RASSF8: variants seen among roughly 807,000 people sequenced by gnomAD.
RASSF8 encodes ras association domain-containing protein 8.
RASSF8 carries 22 observed loss-of-function variants against 48.5 expected under a neutral mutation model. That is an observed-to-expected ratio of 0.45 (90% confidence interval 0.32 to 0.65). The LOEUF (loss-of-function observed/expected upper bound fraction) is 0.65, where lower values mean the gene tolerates loss of function less well. RASSF8 is among the 30% of genes least tolerant of loss of function. The pLI, the probability that RASSF8 is intolerant of heterozygous loss-of-function variation, is 0.03. For missense variants in RASSF8, 418 were observed against 489.2 expected (o/e 0.85, Z 1.37); for synonymous variants, 127 against 171.5 (o/e 0.74, Z 2.03).
rs1160732226 is a variant in RASSF8 at position 26,068,751 on chromosome 12, C to T, written c.1193C>T (p.Pro398Leu). 3.9e-6 allele frequency: 6 copies of T among 1,537,144 alleles called. No individual in the cohort carries two copies. In the South Asian group the frequency reaches 7.1e-5, roughly 18 times the overall value. Residue 398 changes from proline (P) to leucine (L), a missense_variant, in exon 6 of 6, where the codon CCC becomes CTC. Coordinates refer to ENST00000689635, the MANE Select transcript of RASSF8 (RefSeq NM_001394098.1). ...CGACCTGGTTCATCTCGGCAGCTCC[C>T]CAGTAATCTCCGCATTCTGCAGAAT... The part of the protein sequence containing the change: ...LKRPGSSRQL[P>L]SNLRILQNPI...
At chr12:26,001,255 G>T (rs1247551021) in intron 2 of RASSF8, among the ~76,000 whole-genome samples, 2 of 144,294 alleles carry the variant, frequency 1.4e-5, no homozygotes, top group African/African-American at 5.1e-5. Context: ...GGCTGGAGTT[G>T]AACTCCTGGG....
At chr12:26,012,498 C>T (rs1942550119) in intron 2 of RASSF8, among the ~76,000 whole-genome samples, 1 of 152,154 alleles carries the variant, frequency 6.6e-6, no homozygotes, top group Non-Finnish European at 1.5e-5. Flanking sequence ...GAGGAATAGA[C>T]ATCATCTCCT....
chr12:26,049,203 T>G (rs768863549), intron 2 of RASSF8, among the ~76,000 whole-genome samples: 9 of 152,228 alleles, frequency 5.9e-5, no homozygotes, highest in Non-Finnish European at 1.3e-4. Context: ...GGTATTAGAA[T>G]GATTTTACAA....
chr12:26,039,582 C>T (rs1260574058), intron 2 of RASSF8, among the ~76,000 whole-genome samples: 3 of 152,058 alleles, frequency 2.0e-5, no homozygotes, highest in Admixed American at 6.5e-5. Context: ...AGAAAAAAAA[C>T]CCAGAAGGTG....
intron 2 of RASSF8, among the ~76,000 whole-genome samples, chr12:26,054,421 T>C (rs1007427277): frequency 6.6e-6 from 1 of 152,246 alleles, no homozygotes; most frequent in African/African-American, 2.4e-5. Context: ...AAACGGTTAA[T>C]GTTTATATTT....
At chr12:26,044,650 A>G (rs1943334670) in intron 2 of RASSF8, among the ~76,000 whole-genome samples, 1 of 152,212 alleles carries the variant, frequency 6.6e-6, no homozygotes, top group South Asian at 2.1e-4. Flanking sequence ...TATGTAGAAT[A>G]CTGTAAAATA....
intron 1 of RASSF8, among the ~76,000 whole-genome samples, chr12:25,982,288 G>A (rs1941763080): frequency 6.6e-6 from 1 of 152,320 alleles, no homozygotes; most frequent in South Asian, 2.1e-4. Context: ...GAATAGGTCA[G>A]AATATGAATT....
intron 1 of RASSF8, among the ~76,000 whole-genome samples, chr12:25,975,558 C>A (rs920357628): frequency 8.5e-5 from 13 of 152,204 alleles, no homozygotes; most frequent in African/African-American, 2.9e-4. Context: ...TTTATATTCA[C>A]TCTACAAAGA....
chr12:26,046,095 G>A (rs1169786367), intron 2 of RASSF8, among the ~76,000 whole-genome samples: 1 of 152,190 alleles, frequency 6.6e-6, no homozygotes, highest in Non-Finnish European at 1.5e-5. Flanking sequence ...GGAAGGAGCA[G>A]TTTTCACCAG....
chr12:26,038,953 A>G (rs1277785281), intron 2 of RASSF8, among the ~76,000 whole-genome samples: 1 of 152,196 alleles, frequency 6.6e-6, no homozygotes, highest in African/African-American at 2.4e-5. Flanking sequence ...TTATTTTTCT[A>G]GAAAATGTTT....
intron 2 of RASSF8, chr12:26,011,770 C>G (rs1438122389): frequency 6.6e-6 from 1 of 152,172 alleles, no homozygotes; most frequent in Non-Finnish European, 1.5e-5. Context: ...GGCTCTCACC[C>G]GACGCTGAGT....
At chr12:26,001,575 T>G (rs1245567604) in intron 2 of RASSF8, among the ~76,000 whole-genome samples, 3 of 152,174 alleles carry the variant, frequency 2.0e-5, no homozygotes, top group Non-Finnish European at 2.9e-5. Context: ...ATTTTCGAAC[T>G]TTTTTGTTAA....
At chr12:25,991,231 T>C (rs970288410) in intron 1 of RASSF8, among the ~76,000 whole-genome samples, 1 of 152,212 alleles carries the variant, frequency 6.6e-6, no homozygotes, top group African/African-American at 2.4e-5. Context: ...AACTGGAATT[T>C]ATTTTGCTCT....
downstream of RASSF8, among the ~76,000 whole-genome samples, chr12:26,073,541 A>C (rs1944037062): frequency 6.6e-6 from 1 of 152,160 alleles, no homozygotes; most frequent in Admixed American, 6.5e-5. Flanking sequence ...GTTCGAGACC[A>C]GCCTGGCCAA....
intron 4 of RASSF8, among the ~76,000 whole-genome samples, chr12:26,066,997 C>T (rs1215215779): frequency 6.6e-6 from 1 of 152,216 alleles, no homozygotes; most frequent in Non-Finnish European, 1.5e-5. Flanking sequence ...GGGAATCTTG[C>T]TTTCCTCATG....
intron 1 of RASSF8, among the ~76,000 whole-genome samples, chr12:25,975,339 G>A (rs920406313): frequency 4.6e-5 from 7 of 152,238 alleles, no homozygotes; most frequent in Non-Finnish European, 8.8e-5. Context: ...CCCCACCAGG[G>A]TAAAGGATGT....
At chr12:25,993,752 A>C (rs1942067345) in intron 1 of RASSF8, among the ~76,000 whole-genome samples, 2 of 152,172 alleles carry the variant, frequency 1.3e-5, no homozygotes, top group African/African-American at 4.8e-5. Flanking sequence ...TGAAGCCAGA[A>C]GACTCTAACT....
chr12:26,005,700 G>A (rs973800597), intron 2 of RASSF8, among the ~76,000 whole-genome samples: 3 of 152,100 alleles, frequency 2.0e-5, no homozygotes, highest in African/African-American at 4.8e-5. Flanking sequence ...CCATGTTAAG[G>A]TTCATATCAG....
At position 26,014,394 on chromosome 12, in the gene RASSF8, T is replaced by C. The variant is rs143694390; in HGVS notation, c.-109+19264T>C. On this transcript the variant is annotated intron_variant, in intron 2 of 5. Transcript: ENST00000689635. ...TGTGCTATCCTTGGCTCTAAATGTG[T>C]CTGTGTTAACTTTCTCCCAATATGT... 5.0e-3 allele frequency among the ~76,000 whole-genome samples: 767 copies of C among 152,322 alleles called. 8 individuals carry two copies. Among genetic ancestry groups the C allele is most frequent in the African/African-American group, 0.018 (739 of 41,580 alleles).
Sources: allele counts gnomAD v4.1 joint callset (sites outside exome capture counted in the v4.1 genomes callset), GRCh38; gene constraint gnomAD v4.1.1; transcripts MANE v1.5; gene names NCBI Gene and HGNC (gene_info 2026-07-23, HGNC 2026-07-21).